Variants in GRB14 observed in about 807,000 individuals in gnomAD.
GRB14 encodes growth factor receptor bound protein 14, also known as growth factor receptor-bound protein 14.
In GRB14, 38 loss-of-function variants were observed where a neutral mutation model predicts 69.1. The observed-to-expected ratio is 0.55, with a 90% CI of 0.42 to 0.72. The LOEUF (loss-of-function observed/expected upper bound fraction) is 0.72, where lower values mean the gene tolerates loss of function less well. Among genes scored for constraint, GRB14 ranks in the 30% least tolerant of loss-of-function variants. GRB14 has a pLI of 0.00. For synonymous variants in GRB14, 247 were observed against 241.3 expected, an observed-to-expected ratio of 1.02 and a Z score of -0.22; for missense variants, 666 against 666.1, an observed-to-expected ratio of 1.00 and a Z score of 0.00.
chr2:164,577,436 T>C (rs1329717304), intron 2 of GRB14, among the ~76,000 whole-genome samples: 2 of 152,206 alleles, frequency 1.3e-5, no homozygotes, highest in African/African-American at 2.4e-5. Context: ...TAGTGAGTTC[T>C]CATGAGATCT....
intron 2 of GRB14, chr2:164,573,774 G>A (rs1030318746): frequency 4.9e-5 from 79 of 1,611,302 alleles, no homozygotes; most frequent in African/African-American, 4.1e-4. Context: ...ACTTTCTGTC[G>A]CATCCACCAG....
At chr2:164,616,425 CAAAAAA>C (rs34263597) in intron 2 of GRB14, among the ~76,000 whole-genome samples, 1 of 66,626 alleles carries the variant, frequency 1.5e-5, no homozygotes. Flanking sequence ...GACTCCGTCT[CAAAAAA>C]AAAAAAAAAA....
chr2:164,601,564 C>CT (rs1689915076), intron 2 of GRB14, among the ~76,000 whole-genome samples: 1 of 152,130 alleles, frequency 6.6e-6, no homozygotes, highest in African/African-American at 2.4e-5. Flanking sequence ...TCCTGGCTCT[C>CT]TCAGGCATAA....
At chr2:164,570,535 T>A (rs1448915669) in intron 2 of GRB14, among the ~76,000 whole-genome samples, 1 of 152,040 alleles carries the variant, frequency 6.6e-6, no homozygotes, top group Non-Finnish European at 1.5e-5. Context: ...ATGCTAAGTA[T>A]CAAGGGTGCA....
intron 2 of GRB14, among the ~76,000 whole-genome samples, chr2:164,569,092 A>T (rs1156314841): frequency 1.3e-5 from 2 of 152,174 alleles, no homozygotes; most frequent in Non-Finnish European, 2.9e-5. Context: ...TTAAACTACA[A>T]TATATCAATC....
At chr2:164,500,124 C>T (rs1272316223) in intron 9 of GRB14, among the ~76,000 whole-genome samples, 1 of 152,074 alleles carries the variant, frequency 6.6e-6, no homozygotes, top group African/African-American at 2.4e-5. Context: ...TGAGTAGACT[C>T]GCCTTCCCCA....
At chr2:164,498,802 C>A (rs1483464849) in intron 9 of GRB14, among the ~76,000 whole-genome samples, 1 of 152,132 alleles carries the variant, frequency 6.6e-6, no homozygotes, top group Non-Finnish European at 1.5e-5. Flanking sequence ...TCAACATATC[C>A]CACTTTATTA....
intron 2 of GRB14, among the ~76,000 whole-genome samples, chr2:164,584,957 T>C (rs1689499694): frequency 6.6e-6 from 1 of 150,434 alleles, no homozygotes; most frequent in East Asian, 1.9e-4. Context: ...TTGTGGTTTT[T>C]TTGAGATGGA....
chr2:164,570,703 G>A (rs780482567), intron 2 of GRB14, among the ~76,000 whole-genome samples: 2 of 152,180 alleles, frequency 1.3e-5, no homozygotes, highest in Non-Finnish European at 2.9e-5. Context: ...TCTGAGGTTT[G>A]AAGTCTAGAT....
chr2:164,618,515 T>C (rs571604541), intron 2 of GRB14, among the ~76,000 whole-genome samples: 4 of 152,250 alleles, frequency 2.6e-5, no homozygotes, highest in East Asian at 1.9e-4. Flanking sequence ...CTTTCAAAGA[T>C]GCCAATTCAG....
chr2:164,508,085 G>T (rs1687238444), intron 8 of GRB14, among the ~76,000 whole-genome samples: 1 of 152,108 alleles, frequency 6.6e-6, no homozygotes, highest in Non-Finnish European at 1.5e-5. Flanking sequence ...TATCTCAAGG[G>T]TGGGCACATT....
chr2:164,589,284 C>T (rs1689604863), intron 2 of GRB14, among the ~76,000 whole-genome samples: 1 of 152,124 alleles, frequency 6.6e-6, no homozygotes, highest in Admixed American at 6.5e-5. Flanking sequence ...TTTACAAAAT[C>T]CTATAAGCTC....
chr2:164,504,914 G>A (rs1687150507), intron 8 of GRB14, among the ~76,000 whole-genome samples: 1 of 152,182 alleles, frequency 6.6e-6, no homozygotes, highest in Non-Finnish European at 1.5e-5. Context: ...GGAGATGGCA[G>A]TGTGAGAAAT....
chr2:164,524,867 T>C, intron 5 of GRB14, 137 bp downstream of exon 5: 1 of 531,208 alleles, frequency 1.9e-6, no homozygotes, highest in South Asian at 3.0e-5. Context: ...ATTTTTTTTT[T>C]AGTTTTACCT....
chr2:164,610,558 A>C (rs4128205), intron 2 of GRB14, among the ~76,000 whole-genome samples: 54,154 of 151,902 alleles, frequency 0.36, 12,299 homozygotes, highest in Non-Finnish European at 0.5. Context: ...TTAAAAAATA[A>C]AAATATAATT....
intron 2 of GRB14, among the ~76,000 whole-genome samples, chr2:164,592,699 T>C (rs555029652): frequency 1.3e-5 from 2 of 152,226 alleles, no homozygotes; most frequent in Non-Finnish European, 2.9e-5. Context: ...CTAATGACAT[T>C]GTAAGACTTC....
chr2:164,592,504 C>T (rs1268209093), intron 2 of GRB14, among the ~76,000 whole-genome samples: 1 of 152,082 alleles, frequency 6.6e-6, no homozygotes, highest in Non-Finnish European at 1.5e-5. Flanking sequence ...TGGGAACCAC[C>T]CTAAACAAGC....
chr2:164,591,605 G>A (rs1689665652), intron 2 of GRB14, among the ~76,000 whole-genome samples: 1 of 152,134 alleles, frequency 6.6e-6, no homozygotes, highest in Non-Finnish European at 1.5e-5. Flanking sequence ...AATTCCCAGG[G>A]TTGTTGGTCT....
intron 3 of GRB14, among the ~76,000 whole-genome samples, chr2:164,533,093 T>C (rs559588595): frequency 6.6e-6 from 1 of 152,268 alleles, no homozygotes; most frequent in Admixed American, 6.5e-5. Flanking sequence ...TTCAACTTCA[T>C]GGAAGTTCTC....
Sources: gnomAD v4.1 joint callset for allele counts (sites outside exome capture counted in the v4.1 genomes callset) on GRCh38, gnomAD v4.1.1 for gene constraint, MANE v1.5 for transcripts, NCBI Gene and HGNC (gene_info 2026-07-23, HGNC 2026-07-21) for gene names.